Variants in SMG6 observed in about 807,000 individuals in gnomAD.
SMG6 encodes SMG6 nonsense mediated mRNA decay factor.
SMG6 carries 66 observed loss-of-function variants against 142.2 expected under a neutral mutation model. The ratio of observed to expected loss-of-function variants is 0.46; its 90% CI spans 0.38 to 0.57. The LOEUF is 0.57. SMG6 is among the 20% of genes least tolerant of loss of function. The pLI is 0.00. For synonymous variants in SMG6, 779 were observed against 702.4 expected (o/e 1.11, Z -1.72); for missense variants, 1,793 against 1,832.0 (o/e 0.98, Z 0.39).
chr17:2,208,241 C>G (rs2072747419), intron 10 of SMG6, among the ~76,000 whole-genome samples: 1 of 152,092 alleles, frequency 6.6e-6, no homozygotes, highest in East Asian at 1.9e-4. Context: ...ATTCTCCTAC[C>G]CCCACTCTCC....
intron 13 of SMG6, among the ~76,000 whole-genome samples, chr17:2,111,361 G>C (rs1438968611): frequency 6.6e-6 from 1 of 152,104 alleles, no homozygotes; most frequent in Non-Finnish European, 1.5e-5. Context: ...GGTAATATTT[G>C]ATCAGACTTG....
At chr17:2,175,364 C>T (rs1894245931) in intron 12 of SMG6, among the ~76,000 whole-genome samples, 1 of 152,128 alleles carries the variant, frequency 6.6e-6, no homozygotes, top group Admixed American at 6.5e-5. Flanking sequence ...GCAGCATCCC[C>T]AGCCAGAGAG....
chr17:2,140,983 G>A (rs1178622455), intron 13 of SMG6, among the ~76,000 whole-genome samples: 1 of 152,222 alleles, frequency 6.6e-6, no homozygotes, highest in Non-Finnish European at 1.5e-5. Flanking sequence ...CAAGTTCCCA[G>A]GTGAATCTGA....
chr17:2,302,269 C>T (rs1199977019), intron 1 of SMG6, among the ~76,000 whole-genome samples: 1 of 144,158 alleles, frequency 6.9e-6, no homozygotes, highest in East Asian at 2.1e-4. Context: ...ATTGGCCGGG[C>T]ACGGTGGCTC....
chr17:2,170,055 G>C (rs1055679573), intron 13 of SMG6, among the ~76,000 whole-genome samples: 1 of 152,140 alleles, frequency 6.6e-6, no homozygotes, highest in Admixed American at 6.5e-5. Context: ...AAAAATCAAG[G>C]CTGCCATTTA....
intron 10 of SMG6, among the ~76,000 whole-genome samples, chr17:2,226,767 T>C (rs1356857762): frequency 6.6e-6 from 1 of 151,418 alleles, no homozygotes; most frequent in Non-Finnish European, 1.5e-5. Flanking sequence ...TGGTGGTGAG[T>C]ACCTATAGTC....
chr17:2,143,653 T>C (rs72815344), intron 13 of SMG6, among the ~76,000 whole-genome samples: 52,948 of 152,034 alleles, frequency 0.35, 10,325 homozygotes, highest in Admixed American at 0.44. Flanking sequence ...TTAGTGGTGA[T>C]TGTTGTATTG....
chr17:2,130,918 G>T (rs2070100249), intron 13 of SMG6, among the ~76,000 whole-genome samples: 1 of 151,998 alleles, frequency 6.6e-6, no homozygotes, highest in Non-Finnish European at 1.5e-5. Flanking sequence ...GCAGAGAATT[G>T]CTTGAACCCA....
chr17:2,267,212 C>G (rs2074439642), intron 8 of SMG6, among the ~76,000 whole-genome samples: 1 of 152,120 alleles, frequency 6.6e-6, no homozygotes, highest in African/African-American at 2.4e-5. Context: ...GATACGGAAT[C>G]TTTTTCTTTT....
chr17:2,173,845 C>CTTTTT (rs35215989), intron 12 of SMG6, among the ~76,000 whole-genome samples: 5 of 74,804 alleles, frequency 6.7e-5, no homozygotes, highest in Non-Finnish European at 1.0e-4. Flanking sequence ...ATCCATAAAG[C>CTTTTT]TTTTTTTTTT....
At chr17:2,189,860 T>TGTGGCC (rs1176610101) in intron 10 of SMG6, among the ~76,000 whole-genome samples, 2,625 of 152,218 alleles carry the variant, frequency 0.017, 78 homozygotes, top group African/African-American at 0.061. Flanking sequence ...GGGTAGTAAT[T>TGTGGCC]CTTTGATTGT....
intron 13 of SMG6, among the ~76,000 whole-genome samples, chr17:2,118,233 C>T (rs1020745309): frequency 2.7e-5 from 4 of 150,882 alleles, no homozygotes; most frequent in East Asian, 3.9e-4. Flanking sequence ...AGAGCAAGAC[C>T]GTCTCAAAAA....
At chr17:2,122,252 T>G (rs2069725498) in intron 13 of SMG6, 1 of 152,130 alleles carries the variant, frequency 6.6e-6, no homozygotes, top group Non-Finnish European at 1.5e-5. Flanking sequence ...AGGTACTGGG[T>G]ATAAGTGAGC....
chr17:2,292,366 T>C (rs891685676), intron 6 of SMG6, among the ~76,000 whole-genome samples, 186 bp downstream of exon 6: 14 of 151,814 alleles, frequency 9.2e-5, no homozygotes, highest in Non-Finnish European at 1.9e-4. Context: ...AAGTACAGAG[T>C]TAAGTGAAGT....
intron 13 of SMG6, 110 bp from the exon 14 acceptor site, chr17:2,086,011 G>C: frequency 9.0e-7 from 1 of 1,111,608 alleles, no homozygotes; most frequent in Non-Finnish European, 1.4e-6. Context: ...AAAGCTACCA[G>C]GCAAGGGGGT....
intron 10 of SMG6, among the ~76,000 whole-genome samples, chr17:2,205,485 G>T (rs2151733171): frequency 6.6e-6 from 1 of 152,214 alleles, no homozygotes; most frequent in East Asian, 1.9e-4. Context: ...CACATAAAAT[G>T]AGATAACATT....
chr17:2,147,177 G>C (rs915131475), intron 13 of SMG6, among the ~76,000 whole-genome samples: 3 of 152,170 alleles, frequency 2.0e-5, no homozygotes, highest in Non-Finnish European at 4.4e-5. Flanking sequence ...TGGATCATTT[G>C]AGGTCAGGAG....
At position 2,296,290 on chromosome 17, in the gene SMG6, G is replaced by T. The variant is rs535776934; in HGVS notation, c.2151+953C>A. 8.5e-4 allele frequency among the ~76,000 whole-genome samples: 130 copies of T among 152,218 alleles called. 1 individual carries two copies. Among genetic ancestry groups the T allele is most frequent in the African/African-American group, 3.0e-3 (126 of 41,524 alleles). Reference sequence around the variant, plus strand: ...TCTTGCACTTTCCCAACAATGCCTGGTTCTCTTTTGCTGGACCCTCTATCT... The same window carrying T: ...TCTTGCACTTTCCCAACAATGCCTGTTTCTCTTTTGCTGGACCCTCTATCT... On this transcript the variant is annotated intron_variant, in intron 4 of 18. Transcript: ENST00000263073.
At chr17:2,138,211 C>T (rs967022764) in intron 13 of SMG6, among the ~76,000 whole-genome samples, 1 of 151,918 alleles carries the variant, frequency 6.6e-6, no homozygotes, top group African/African-American at 2.4e-5. Flanking sequence ...TAAAGGTAGG[C>T]AGTGGCTGGG....
Sources: allele counts gnomAD v4.1 joint callset (sites outside exome capture counted in the v4.1 genomes callset), GRCh38; gene constraint gnomAD v4.1.1; transcripts MANE v1.5; gene names NCBI Gene and HGNC (gene_info 2026-07-23, HGNC 2026-07-21).